VPS26C: variants seen among roughly 807,000 people sequenced by gnomAD.
VPS26C encodes the protein vacuolar protein sorting-associated protein 26C.
A neutral mutation model predicts 30.6 loss-of-function variants in VPS26C; 19 were observed. The ratio of observed to expected loss-of-function variants is 0.62; its 90% CI spans 0.43 to 0.91. The LOEUF (loss-of-function observed/expected upper bound fraction) is 0.91, where lower values mean the gene tolerates loss of function less well. VPS26C is among the 40% of genes least tolerant of loss of function. The pLI is 0.00. For missense variants in VPS26C, 318 were observed against 385.1 expected, an observed-to-expected ratio of 0.83 and a Z score of 1.46; for synonymous variants, 132 against 151.5, an observed-to-expected ratio of 0.87 and a Z score of 0.95.
intron 1 of VPS26C, among the ~76,000 whole-genome samples, chr21:37,249,795 C>T (rs1366772172): frequency 6.6e-6 from 1 of 152,154 alleles, no homozygotes; most frequent in Non-Finnish European, 1.5e-5. Flanking sequence ...ATTGGAGAAA[C>T]TAGCCCTGTG....
Position 37,238,477 on chromosome 21 carries a change from C to T in VPS26C, c.334G>A (p.Val112Met). The T allele has an allele frequency of 3.7e-6, 6 of 1,614,022 alleles. No individual in the cohort carries two copies. Among genetic ancestry groups the T allele is most frequent in the African/African-American group, 1.3e-5 (1 of 75,032 alleles). Residue 112 changes from valine (V) to methionine (M), a missense_variant, in exon 3 of 8, where the codon GTG becomes ATG. By Grantham distance (21) the Val-to-Met change is conservative. Coordinates refer to ENST00000309117, the MANE Select transcript of VPS26C (RefSeq NM_006052.2). ...NKVLYETYHGVFVNIQYTLRC... is the reference protein window; with the variant it reads ...NKVLYETYHGMFVNIQYTLRC... ...GCTCTCACCTGAATGTTGACAAACA[C>T]GCCATGATACGTCTCATACAGAACT...
In VPS26C at chr21:37,225,101, A is replaced by G; in HGVS notation, c.*443T>C. The G allele has an allele frequency of 5.7e-6, 1 of 175,272 alleles. No individual in the cohort carries two copies. The highest frequency in any genetic ancestry group is 1.4e-4 in the East Asian group (1 of 7,098). 10.9% of individuals were successfully genotyped at this position (175,272 alleles called of 1,614,324 possible). A position where few individuals can be genotyped will look rare whatever the true frequency, so the allele number is the denominator to read the frequency against. On this transcript the variant is annotated 3_prime_UTR_variant, in exon 8 of 8. Coordinates refer to ENST00000309117, the MANE Select transcript of VPS26C (RefSeq NM_006052.2). The stretch of plus-strand genomic sequence containing the variant: ...CTTCCTGACCATCAAGTGCGCTTGC[A>G]GCCATCCTGGATGTCAACTGGCCAC...
intron 1 of VPS26C, 111 bp downstream of exon 1, chr21:37,267,127 G>A: frequency 2.0e-6 from 2 of 1,004,072 alleles, no homozygotes; most frequent in South Asian, 1.4e-5. Flanking sequence ...GCACCTGGCG[G>A]GACAGCCCTG....
intron 1 of VPS26C, among the ~76,000 whole-genome samples, chr21:37,252,458 A>G (rs1276699738): frequency 6.6e-6 from 1 of 152,226 alleles, no homozygotes; most frequent in African/African-American, 2.4e-5. Flanking sequence ...AGGAAAGAGA[A>G]TTTTGCATGG....
intron 1 of VPS26C, among the ~76,000 whole-genome samples, chr21:37,263,774 C>G (rs2086329111): frequency 1.3e-5 from 2 of 152,178 alleles, no homozygotes; most frequent in Admixed American, 1.3e-4. Context: ...GCATGGTGCT[C>G]TGGCAGGTCC....
chr21:37,227,320 C>T (rs2085910659), intron 7 of VPS26C: 1 of 260,792 alleles, frequency 3.8e-6, no homozygotes, highest in East Asian at 8.4e-5. Context: ...CTACACGGAG[C>T]TCAGCGTCAC....
chr21:37,234,968 G>C (rs1318276151), intron 3 of VPS26C, among the ~76,000 whole-genome samples: 1 of 127,090 alleles, frequency 7.9e-6, no homozygotes, highest in African/African-American at 3.0e-5. Context: ...TCAGCCTCCT[G>C]AGTATCTGGA....
chr21:37,232,378 T>G lies in VPS26C; in HGVS notation c.506A>C (p.Glu169Ala). 3 of 1,613,916 alleles carry G rather than the reference T, an allele frequency of 1.9e-6. No individual in the cohort carries two copies. The highest frequency in any genetic ancestry group is 2.5e-6 in the Non-Finnish European group (3 of 1,179,806). ...ATTCGCCTGTGCAGGACGTCTTACC[T>G]CTTTGACGTTCTGTAAGGTTTCAGG... The part of the protein sequence containing the change: ...ITPETLQNVK[E>A]RALLPKFLLR... Residue 169 changes from glutamate to alanine, a missense_variant and splice_region_variant, in exon 5 of 8, where the codon GAG becomes GCG. Glu to Ala is a moderately radical substitution (Grantham distance 107, BLOSUM62 -1). Transcript: ENST00000309117.
In VPS26C at chr21:37,232,472, G is replaced by A. The variant is rs376350447; in HGVS notation, c.433-21C>T. 85 of 1,603,446 alleles carry A rather than the reference G, an allele frequency of 5.3e-5. 1 individual carries two copies. The Admixed American group carries it at 7.0e-4, about 13-fold the overall frequency. On this transcript the variant is annotated intron_variant, in intron 4 of 7. Transcript: ENST00000309117. ...TGAGGCTAAAACGAGAGGTGAAACC[G>A]AAATCAGTAGGTGAAGGCCAAGAGT...
At position 37,234,325 on chromosome 21, in the gene VPS26C, T is replaced by C. The variant is rs574615848; in HGVS notation, c.352-883A>G. ...CATCGCACTTGCACACTTGCTTTTT[T>C]AATGTGGCAGAGCCGCATTCCATTT... On this transcript the variant is annotated intron_variant, in intron 3 of 7. Transcript: ENST00000309117. 1.8e-4 allele frequency among the ~76,000 whole-genome samples: 28 copies of C among 152,356 alleles called. No homozygotes were observed. In the South Asian group the frequency reaches 5.8e-3, roughly 32 times the overall value.
upstream of VPS26C, chr21:37,267,891 G>A (rs1260295931): frequency 6.5e-6 from 1 of 153,854 alleles, no homozygotes; most frequent in East Asian, 1.9e-4. Context: ...GTCTGTCTGC[G>A]GCCAGGCGCC....
chr21:37,243,755 C>T (rs1019779166), intron 1 of VPS26C, among the ~76,000 whole-genome samples: 4 of 152,180 alleles, frequency 2.6e-5, no homozygotes, highest in African/African-American at 9.7e-5. Flanking sequence ...TAGAGCTTAA[C>T]AATGGAGAGC....
intron 1 of VPS26C, among the ~76,000 whole-genome samples, chr21:37,265,697 A>G (rs1171841709): frequency 6.6e-6 from 1 of 152,064 alleles, no homozygotes; most frequent in Non-Finnish European, 1.5e-5. Flanking sequence ...TTCAATTTGG[A>G]TATTCCTTAT....
intron 1 of VPS26C, among the ~76,000 whole-genome samples, chr21:37,254,473 C>T (rs1178408332): frequency 4.0e-5 from 6 of 151,810 alleles, no homozygotes; most frequent in Middle Eastern, 3.4e-3. Context: ...CTCCAGCCTG[C>T]GTAACAGTGC....
At chr21:37,252,533 GAAACAAAC>G (rs749968591) in intron 1 of VPS26C, among the ~76,000 whole-genome samples, 3 of 152,218 alleles carry the variant, frequency 2.0e-5, no homozygotes, top group South Asian at 4.1e-4. Flanking sequence ...TCCTGGTACA[GAAACAAAC>G]AAACAAACAA....
intron 5 of VPS26C, chr21:37,230,596 G>C (rs2085951452): frequency 6.6e-6 from 1 of 152,264 alleles, no homozygotes; most frequent in Admixed American, 6.5e-5. Context: ...GAATGGTTCT[G>C]TGGAAAGAAA....
chr21:37,260,243 C>G (rs2086290407), intron 1 of VPS26C, among the ~76,000 whole-genome samples: 1 of 152,200 alleles, frequency 6.6e-6, no homozygotes, highest in Non-Finnish European at 1.5e-5. Flanking sequence ...CTGGAAAAGG[C>G]TATCCTAGTC....
In VPS26C at chr21:37,239,375, G is replaced by A. The variant is rs184409046; in HGVS notation, c.202-766C>T. On this transcript the variant is annotated intron_variant, in intron 2 of 7. Transcript: ENST00000309117. The stretch of plus-strand genomic sequence containing the variant: ...CTCTTTTCCCTGCAAAACTTAAAGC[G>A]TTAATATGTCCTTCAGGAAAAGGCA... 2.0e-4 allele frequency among the ~76,000 whole-genome samples: 30 copies of A among 152,264 alleles called. No individual in the cohort carries two copies. In the East Asian group the frequency reaches 5.4e-3, roughly 27 times the overall value.
intron 1 of VPS26C, among the ~76,000 whole-genome samples, chr21:37,241,594 G>C (rs2086087950): frequency 6.6e-6 from 1 of 152,148 alleles, no homozygotes; most frequent in African/African-American, 2.4e-5. Flanking sequence ...AAGGTGGACA[G>C]GTTGCTTGAG....
Sources: allele counts gnomAD v4.1 joint callset (sites outside exome capture counted in the v4.1 genomes callset), GRCh38; gene constraint gnomAD v4.1.1; transcripts MANE v1.5; gene names NCBI Gene and HGNC (gene_info 2026-07-23, HGNC 2026-07-21).